RBM6: variants seen among roughly 807,000 people sequenced by gnomAD.
RBM6 encodes the protein RNA binding motif protein 6.
A neutral mutation model predicts 140.4 loss-of-function variants in RBM6; 23 were observed. The observed-to-expected ratio is 0.16, with a 90% CI of 0.12 to 0.23. The LOEUF is 0.23. Among genes scored for constraint, RBM6 ranks in the 10% least tolerant of loss-of-function variants. The pLI is 1.00. For missense variants in RBM6, 1,139 were observed against 1,386.7 expected, an observed-to-expected ratio of 0.82 and a Z score of 2.84; for synonymous variants, 439 against 475.6, an observed-to-expected ratio of 0.92 and a Z score of 1.00.
intron 5 of RBM6, among the ~76,000 whole-genome samples, chr3:49,989,734 G>A (rs970869111): frequency 6.6e-6 from 1 of 151,994 alleles, no homozygotes; most frequent in Non-Finnish European, 1.5e-5. Flanking sequence ...GCTAACAGAC[G>A]TTATTTTATT....
At chr3:50,055,719 C>T (rs1159275143) in intron 8 of RBM6, among the ~76,000 whole-genome samples, 2 of 152,100 alleles carry the variant, frequency 1.3e-5, no homozygotes, top group Non-Finnish European at 2.9e-5. Context: ...ATTCTGTAAG[C>T]ATTTCAGGAT....
intron 5 of RBM6, among the ~76,000 whole-genome samples, chr3:49,985,395 T>A (rs1335628583): frequency 6.6e-6 from 1 of 152,190 alleles, no homozygotes; most frequent in Non-Finnish European, 1.5e-5. Context: ...ATGCGACCTA[T>A]GCTGCTCACT....
chr3:50,019,156 G>A (rs185938472), intron 6 of RBM6, among the ~76,000 whole-genome samples: 17 of 151,708 alleles, frequency 1.1e-4, no homozygotes, highest in African/African-American at 3.9e-4. Flanking sequence ...CTGCCTCAGC[G>A]TTCTGCATAG....
intron 6 of RBM6, among the ~76,000 whole-genome samples, chr3:50,004,500 G>A (rs2086489055): frequency 6.8e-6 from 1 of 147,272 alleles, no homozygotes; most frequent in African/African-American, 2.5e-5. Flanking sequence ...TTTTGTAGAG[G>A]CAGGGTTTTG....
Position 50,057,839 on chromosome 3 carries a change from C to T in RBM6, c.1805C>T (p.Pro602Leu). The T allele has an allele frequency of 6.2e-7, 1 of 1,613,880 alleles. No individual in the cohort carries two copies. The highest frequency in any genetic ancestry group is 8.5e-7 in the Non-Finnish European group (1 of 1,180,002). Residue 602 changes from proline (P) to leucine (L), a missense_variant, in exon 9 of 21, where the codon CCT becomes CTT. This residue lies in a region of RBM6 where 109 missense variants were observed against 101.9 expected (regional missense o/e 1.07). Transcript: ENST00000266022. ...CCCCTAAGACCAGCTGATAAGGAACCTGAACCCAGGAAGAGGGAAGAAGGC... is the reference window on the plus strand; with the variant it reads ...CCCCTAAGACCAGCTGATAAGGAACTTGAACCCAGGAAGAGGGAAGAAGGC... ...NQPLRPADKE[P>L]EPRKREEGQE...
At chr3:50,023,486 T>G (rs2087625830) in intron 6 of RBM6, among the ~76,000 whole-genome samples, 1 of 151,934 alleles carries the variant, frequency 6.6e-6, no homozygotes, top group Non-Finnish European at 1.5e-5. Context: ...CTGTTACTTC[T>G]TTTGAGCCAC....
At chr3:49,993,150 C>T (rs1299859344) in intron 5 of RBM6, among the ~76,000 whole-genome samples, 1 of 152,100 alleles carries the variant, frequency 6.6e-6, no homozygotes, top group East Asian at 1.9e-4. Context: ...CATATGACAC[C>T]ATTACTGCCA....
chr3:49,943,118 A>G (rs888727306), intron 1 of RBM6, among the ~76,000 whole-genome samples: 1 of 152,122 alleles, frequency 6.6e-6, no homozygotes, highest in African/African-American at 2.4e-5. Flanking sequence ...GTGTGTGTAC[A>G]CTACATTTTG....
At chr3:49,960,765 G>A (rs2084244473) in intron 1 of RBM6, among the ~76,000 whole-genome samples, 1 of 152,128 alleles carries the variant, frequency 6.6e-6, no homozygotes, top group Non-Finnish European at 1.5e-5. Context: ...TGTCCGATCA[G>A]GTCTGAGACA....
At position 50,011,847 on chromosome 3, in the gene RBM6, T is replaced by C. The variant is rs113591368; in HGVS notation, c.1557+12334T>C. Among the ~76,000 whole-genome samples the C allele has an allele frequency of 6.3e-3, 949 of 151,782 alleles. 11 individuals carry two copies. The highest frequency in any genetic ancestry group is 0.022 in the African/African-American group (899 of 41,460). On this transcript the variant is annotated intron_variant, in intron 6 of 20. Transcript: ENST00000266022. Reference sequence around the variant, plus strand: ...ACATTTTTCTTTTCTTTCTTTTTTTTTTTTTCTTTTTCTTTTTTTCTGGGA... The same window carrying C: ...ACATTTTTCTTTTCTTTCTTTTTTTCTTTTTCTTTTTCTTTTTTTCTGGGA...
intron 6 of RBM6, among the ~76,000 whole-genome samples, chr3:50,045,953 C>CT (rs1287136320): frequency 1.3e-5 from 2 of 152,028 alleles, no homozygotes; most frequent in African/African-American, 4.8e-5. Flanking sequence ...AGTCCATGCT[C>CT]TTAAAGATGT....
At chr3:50,018,515 C>T (rs566687159) in intron 6 of RBM6, among the ~76,000 whole-genome samples, 13 of 147,408 alleles carry the variant, frequency 8.8e-5, no homozygotes, top group Non-Finnish European at 1.8e-4. Flanking sequence ...TTTGTACGGA[C>T]ATACGTTTTC....
chr3:49,992,720 A>G (rs2085882191), intron 5 of RBM6, among the ~76,000 whole-genome samples: 1 of 152,202 alleles, frequency 6.6e-6, no homozygotes, highest in Non-Finnish European at 1.5e-5. Flanking sequence ...TGTACCTGAT[A>G]TTATGCTAGG....
intron 15 of RBM6, 40 bp from the exon 16 acceptor site, chr3:50,064,991 T>A (rs760670665): frequency 1.3e-6 from 2 of 1,528,094 alleles, no homozygotes; most frequent in Admixed American, 3.4e-5. Context: ...TCAGTTATTA[T>A]GAGTGAATAT....
intron 5 of RBM6, among the ~76,000 whole-genome samples, chr3:49,989,860 C>T (rs1406640307): frequency 3.9e-5 from 6 of 152,106 alleles, no homozygotes; most frequent in African/African-American, 1.4e-4. Flanking sequence ...CATTCTCGTG[C>T]CTCAGCCTCC....
At chr3:50,001,722 A>G (rs1201127068) in intron 6 of RBM6, among the ~76,000 whole-genome samples, 1 of 152,074 alleles carries the variant, frequency 6.6e-6, no homozygotes, top group East Asian at 1.9e-4. Flanking sequence ...AAAAGCTTCC[A>G]ATCTGTGTGC....
chr3:50,040,938 C>T (rs2088884060), intron 6 of RBM6, among the ~76,000 whole-genome samples: 1 of 152,102 alleles, frequency 6.6e-6, no homozygotes, highest in African/African-American at 2.4e-5. Context: ...AGCCACTGTG[C>T]CCAGCCGCAG....
rs143359010 is a variant in RBM6, at chr3:50,016,230, C to T, written c.1557+16717C>T. 1.2e-4 allele frequency among the ~76,000 whole-genome samples: 19 copies of T among 152,342 alleles called. No homozygotes were observed. The East Asian group carries it at 3.7e-3, about 29-fold the overall frequency. On this transcript the variant is annotated intron_variant, in intron 6 of 20. Coordinates refer to ENST00000266022, the MANE Select transcript of RBM6 (RefSeq NM_005777.3). Reference sequence around the variant, plus strand: ...TGTACCTAGTTTATAATACACTTAGCTAAGTGTCCTTCATGTTTTTCCACA... The same window carrying T: ...TGTACCTAGTTTATAATACACTTAGTTAAGTGTCCTTCATGTTTTTCCACA...
chr3:50,021,131 C>A (rs996752949), intron 6 of RBM6, among the ~76,000 whole-genome samples: 12 of 152,184 alleles, frequency 7.9e-5, no homozygotes, highest in African/African-American at 2.9e-4. Flanking sequence ...TAATGTGCTG[C>A]GTGAGCTTGA....
Sources: gnomAD v4.1 joint callset for allele counts (sites outside exome capture counted in the v4.1 genomes callset) on GRCh38, gnomAD v4.1.1 for gene constraint, gnomAD v4.1.1 regional missense constraint, MANE v1.5 for transcripts, NCBI Gene and HGNC (gene_info 2026-07-23, HGNC 2026-07-21) for gene names.